Variants in MAP7D1 observed in about 807,000 individuals in gnomAD.
The protein encoded by MAP7D1 is MAP7 domain containing 1, also known as MAP7 domain-containing protein 1.
Under a neutral mutation model 97.5 loss-of-function variants are expected in MAP7D1, and 30 were observed. The observed-to-expected ratio is 0.31, with a 90% CI of 0.23 to 0.42. The LOEUF is 0.42. Ranked by LOEUF, MAP7D1 falls within the 10% of genes least tolerant of loss-of-function variation. The pLI is 1.00. For synonymous variants in MAP7D1, 536 were observed against 477.1 expected (o/e 1.12, Z -1.61); for missense variants, 1,184 against 1,179.5 (o/e 1.00, Z -0.06).
At position 36,178,790 on chromosome 1, in the gene MAP7D1, C is replaced by T; in HGVS notation, c.1992C>T (p.Ala664=). The T allele has an allele frequency of 6.5e-7, 1 of 1,547,362 alleles. No homozygotes were observed. Among genetic ancestry groups the T allele is most frequent in the East Asian group, 2.5e-5 (1 of 40,778 alleles). ...AGGAGGCACGAGAGAAGGCGCAGGC[C>T]GAGCAGGAGGAGCAGGAGCGGCTGC... ...EEQEAREKAQ[A]EQEEQERLQK... The change falls in exon 11 of 17, where the codon GCC becomes GCT. Residue 664 remains alanine, a synonymous_variant. Coordinates refer to ENST00000474796, the MANE Select transcript of MAP7D1 (RefSeq NM_001388490.1).
At chr1:36,167,015 G>GT (rs1644482419) in intron 1 of MAP7D1, among the ~76,000 whole-genome samples, 1 of 152,166 alleles carries the variant, frequency 6.6e-6, no homozygotes, top group Admixed American at 6.5e-5. Context: ...ACACACAGGG[G>GT]TGTCAAGCAG....
chr1:36,165,782 G>A (rs1260913664), intron 1 of MAP7D1, among the ~76,000 whole-genome samples: 1 of 146,136 alleles, frequency 6.8e-6, no homozygotes, highest in East Asian at 2.0e-4. Context: ...CCAGGCTGGA[G>A]TGCAGTGGCA....
chr1:36,167,293 G>A (rs748825052), intron 1 of MAP7D1, among the ~76,000 whole-genome samples: 2 of 152,212 alleles, frequency 1.3e-5, no homozygotes, highest in Non-Finnish European at 2.9e-5. Context: ...AGAATGTGCT[G>A]TCTTCAAAGC....
chr1:36,174,375 CACAT>C (rs1644588423), intron 5 of MAP7D1, among the ~76,000 whole-genome samples: 1 of 152,224 alleles, frequency 6.6e-6, no homozygotes, highest in Non-Finnish European at 1.5e-5. Flanking sequence ...CATGTCTGCA[CACAT>C]GTGTGCATGC....
Position 36,176,212 on chromosome 1 carries a change from G to T in MAP7D1, c.864G>T (p.Gln288His). 1 of 1,607,484 alleles carries T rather than the reference G, an allele frequency of 6.2e-7. No homozygotes were observed. The change falls in exon 7 of 17, where the codon CAG becomes CAT. Residue 288 changes from glutamine (Q) to histidine (H), a missense_variant. Physicochemically the swap from Gln to His is conservative, Grantham distance 24 (BLOSUM62 0). Coordinates refer to ENST00000474796, the MANE Select transcript of MAP7D1 (RefSeq NM_001388490.1). This position sits in a 1 kb window ranked among gnomAD's most constrained non-coding sequence, Gnocchi z 6.1. ...TTCTACCCCCAGATCGCAGCCTGCA[G>T]CTGAGCGCATGGGAGAGCAGCATCG... ...WNSPSRNRSL[Q>H]LSAWESSIVD...
chr1:36,172,438 A>G (rs1400800011), intron 3 of MAP7D1, 26 bp from the exon 4 acceptor site: 4 of 1,513,496 alleles, frequency 2.6e-6, no homozygotes, highest in Non-Finnish European at 3.6e-6. Flanking sequence ...CCCTTCACAC[A>G]CGCCACTGGG....
At chr1:36,175,589 T>G (rs1644607207) in intron 6 of MAP7D1, among the ~76,000 whole-genome samples, 1 of 152,214 alleles carries the variant, frequency 6.6e-6, no homozygotes, top group Non-Finnish European at 1.5e-5. Flanking sequence ...GGGAGTTATT[T>G]ATAAGTTTCT....
At chr1:36,170,817 A>G (rs1452313933) in intron 1 of MAP7D1, among the ~76,000 whole-genome samples, 154 bp from the exon 2 acceptor site, 1 of 152,140 alleles carries the variant, frequency 6.6e-6, no homozygotes, top group Admixed American at 6.5e-5. Context: ...TCTCACCATT[A>G]TATCATGAGT....
chr1:36,158,069 A>T (rs1434984932), intron 1 of MAP7D1, among the ~76,000 whole-genome samples: 1 of 151,924 alleles, frequency 6.6e-6, no homozygotes, highest in East Asian at 1.9e-4. Flanking sequence ...GCTAGTTTAT[A>T]ATTAGGATAC....
At position 36,176,746 on chromosome 1, in the gene MAP7D1, A is replaced by G. The variant is rs916595474; in HGVS notation, c.1283A>G (p.Lys428Arg). Residue 428 changes from lysine (K) to arginine (R), a missense_variant, in exon 8 of 17, where the codon AAG (lysine) becomes AGG (arginine). Physicochemically the swap from Lys to Arg is conservative, Grantham distance 26 (BLOSUM62 2). Coordinates refer to ENST00000474796, the MANE Select transcript of MAP7D1 (RefSeq NM_001388490.1). The surrounding 1 kb of genome is among the most constrained non-coding windows in gnomAD (Gnocchi z 6.1). ...KDKERENEKE[K>R]SALARERSLK... ...AAGGAGCGGGAAAACGAGAAGGAGA[A>G]GAGTGCCCTAGCCCGGGAGCGCAGC... is the stretch of plus-strand genomic sequence containing the variant. The G allele has an allele frequency of 1.2e-6, 2 of 1,604,476 alleles. No individual in the cohort carries two copies. Among genetic ancestry groups the G allele is most frequent in the African/African-American group, 1.3e-5 (1 of 74,788 alleles).
chr1:36,171,710 A>G (rs1644546459), intron 3 of MAP7D1, 129 bp downstream of exon 3: 1 of 872,054 alleles, frequency 1.1e-6, no homozygotes, highest in Admixed American at 2.1e-5. Context: ...AGGCGGGCGA[A>G]TCACCTGAGG....
chr1:36,157,975 C>T (rs551466998), intron 1 of MAP7D1, among the ~76,000 whole-genome samples: 1 of 152,256 alleles, frequency 6.6e-6, no homozygotes, highest in Non-Finnish European at 1.5e-5. Flanking sequence ...AGCTTACTGG[C>T]CCTCTGCACC....
intron 1 of MAP7D1, among the ~76,000 whole-genome samples, chr1:36,169,816 C>T (rs911929776): frequency 5.3e-5 from 8 of 152,106 alleles, no homozygotes; most frequent in East Asian, 1.9e-4. Flanking sequence ...CTAGCTTGGG[C>T]TTGTTATCCC....
At position 36,159,593 on chromosome 1, in the gene MAP7D1, GC is replaced by G. The variant is rs1644381175; in HGVS notation, c.46+3134del. The stretch of plus-strand genomic sequence containing the variant: ...GGCTATCCAGCACACCCATGCTGAT[GC>G]CCCACCTTATGCCAGCTCGGTGTAG... On this transcript the variant is annotated intron_variant, in intron 1 of 16. Coordinates refer to ENST00000474796, the MANE Select transcript of MAP7D1 (RefSeq NM_001388490.1). The surrounding 1 kb of genome is among the most constrained non-coding windows in gnomAD (Gnocchi z 5.4). 6.6e-6 allele frequency among the ~76,000 whole-genome samples: 1 copy of G among 152,198 alleles called. No individual in the cohort carries two copies. The highest frequency in any genetic ancestry group is 1.5e-5 in the Non-Finnish European group (1 of 68,034).
At chr1:36,168,836 T>G (rs1289591503) in intron 1 of MAP7D1, among the ~76,000 whole-genome samples, 1 of 152,228 alleles carries the variant, frequency 6.6e-6, no homozygotes, top group Non-Finnish European at 1.5e-5. Context: ...AAGTCCAGGC[T>G]CCCTGACTGA....
In MAP7D1 at chr1:36,169,033, C is replaced by T. The variant is rs371613503; in HGVS notation, c.47-1938C>T. ...TTGGGAGGTCGAGACGGGCAGACCA[C>T]CTGAAGTCGGGAGTTCGAGACCAGC... On this transcript the variant is annotated intron_variant, in intron 1 of 16. Coordinates refer to ENST00000474796, the MANE Select transcript of MAP7D1 (RefSeq NM_001388490.1). Among the ~76,000 whole-genome samples the T allele has an allele frequency of 6.0e-5, 9 of 150,924 alleles. No homozygotes were observed. In the East Asian group the frequency reaches 1.6e-3, roughly 26 times the overall value.
intron 14 of MAP7D1, 43 bp downstream of exon 14, chr1:36,179,600 TCCTCCTCCTCCATCCTCA>T: frequency 6.4e-7 from 1 of 1,552,976 alleles, no homozygotes; most frequent in Non-Finnish European, 8.7e-7. Context: ...TTTGCCATCC[TCCTCCTCCTCCATCCTCA>T]CCTCTCTTGC....
At chr1:36,162,369 A>C (rs1427396854) in intron 1 of MAP7D1, among the ~76,000 whole-genome samples, 1 of 152,230 alleles carries the variant, frequency 6.6e-6, no homozygotes, top group African/African-American at 2.4e-5. Flanking sequence ...TTGTGGGGGA[A>C]GTCTCCCTGG....
chr1:36,180,200 G>GCT (rs755433510), intron 16 of MAP7D1, 48 bp from the exon 17 acceptor site: 1 of 1,613,788 alleles, frequency 6.2e-7, no homozygotes, highest in African/African-American at 1.3e-5. Flanking sequence ...AGCTATCTGG[G>GCT]CTTGAGTGCT....
Sources: allele counts gnomAD v4.1 joint callset (sites outside exome capture counted in the v4.1 genomes callset), GRCh38; gene constraint gnomAD v4.1.1; non-coding constraint Gnocchi (gnomAD v3.1); transcripts MANE v1.5; gene names NCBI Gene and HGNC (gene_info 2026-07-23, HGNC 2026-07-21).